Variants in SLC23A2 observed in about 807,000 individuals in gnomAD.
SLC23A2 encodes solute carrier family 23 member 2, also known as Na(+)/L-ascorbic acid transporter 2.
A neutral mutation model predicts 73.3 loss-of-function variants in SLC23A2; 36 were observed. That is an observed-to-expected ratio of 0.49 (90% CI 0.38 to 0.65). The LOEUF (loss-of-function observed/expected upper bound fraction) is 0.65. SLC23A2 is among the 30% of genes least tolerant of loss of function. SLC23A2 has a pLI of 0.00. For synonymous variants in SLC23A2, 343 were observed against 327.3 expected, an observed-to-expected ratio of 1.05 and a Z score of -0.52; for missense variants, 507 against 841.6, an observed-to-expected ratio of 0.60 and a Z score of 4.92.
chr20:4,950,306 C>T (rs908018913), intron 2 of SLC23A2, among the ~76,000 whole-genome samples: 1 of 152,220 alleles, frequency 6.6e-6, no homozygotes, highest in African/African-American at 2.4e-5. Context: ...ATTAATTTTA[C>T]TACCTGGTAA....
chr20:4,934,637 G>A (rs564575608), intron 2 of SLC23A2, among the ~76,000 whole-genome samples: 1 of 152,000 alleles, frequency 6.6e-6, no homozygotes, highest in African/African-American at 2.4e-5. Context: ...TGAGGTGGGT[G>A]GATCACCTGA....
chr20:4,902,893 C>G lies in SLC23A2; in HGVS notation c.208-335G>C, dbSNP rs931629647. 1.3e-5 allele frequency among the ~76,000 whole-genome samples: 2 copies of G among 152,080 alleles called. No homozygotes were observed. Among genetic ancestry groups the G allele is most frequent in the Non-Finnish European group, 2.9e-5 (2 of 68,006 alleles). ...CCAGGTTGAGACCACAAAATGATAC[C>G]TTGGCACGAGCAGTCCTTGCGTGAG... On this transcript the variant is annotated intron_variant, in intron 4 of 16. Transcript: ENST00000338244. The surrounding 1 kb of genome is among the most constrained non-coding windows in gnomAD (Gnocchi z 4.0).
In SLC23A2 at chr20:4,984,538, G is replaced by A. The variant is rs933194012; in HGVS notation, c.-281-13619C>T. Reference sequence around the variant, plus strand: ...ACTGCACTCCAGCCTGGGCAACAGAGCAAGACTCTGTCTCAAAAGAAAAAA... The same window carrying A: ...ACTGCACTCCAGCCTGGGCAACAGAACAAGACTCTGTCTCAAAAGAAAAAA... On this transcript the variant is annotated intron_variant, in intron 1 of 16. Transcript: ENST00000338244. Among the ~76,000 whole-genome samples the A allele has an allele frequency of 4.0e-5, 5 of 124,470 alleles. No individual in the cohort carries two copies. The South Asian group carries it at 7.9e-4, about 20-fold the overall frequency. The allele number at this position is 124,470 out of a possible 152,430, so 81.7% of individuals were successfully genotyped here.
chr20:4,869,617 C>T (rs1278630884), intron 12 of SLC23A2: 2 of 347,030 alleles, frequency 5.8e-6, no homozygotes, highest in Non-Finnish European at 1.1e-5. Flanking sequence ...GAATTTAAGG[C>T]TTACAGTGGT....
chr20:4,932,347 T>C, intron 3 of SLC23A2, 108 bp downstream of exon 3: 2 of 740,904 alleles, frequency 2.7e-6, no homozygotes, highest in South Asian at 1.5e-5. Context: ...GGTTTGCAAA[T>C]GCCTTAACCT....
At chr20:4,969,528 C>T (rs1409110726) in intron 2 of SLC23A2, among the ~76,000 whole-genome samples, 1 of 151,936 alleles carries the variant, frequency 6.6e-6, no homozygotes, top group Non-Finnish European at 1.5e-5. Flanking sequence ...CATTTTACAT[C>T]CACCATACTG....
intron 4 of SLC23A2, among the ~76,000 whole-genome samples, chr20:4,912,434 AT>A (rs1932189429): frequency 6.6e-6 from 1 of 152,014 alleles, no homozygotes; most frequent in South Asian, 2.1e-4. Flanking sequence ...TTCACATATC[AT>A]TTCATTCAAT....
At chr20:4,896,678 C>G (rs995761654) in intron 6 of SLC23A2, among the ~76,000 whole-genome samples, 2 of 152,188 alleles carry the variant, frequency 1.3e-5, no homozygotes, top group African/African-American at 2.4e-5. Context: ...CTATCCCACA[C>G]CCCTGAGGCT....
chr20:4,903,482 A>C (rs915707106), intron 4 of SLC23A2, among the ~76,000 whole-genome samples: 1 of 152,252 alleles, frequency 6.6e-6, no homozygotes, highest in Non-Finnish European at 1.5e-5. Flanking sequence ...CATTTTAAGA[A>C]ATGTTTTATA....
At chr20:4,934,433 C>G (rs1600147629) in intron 2 of SLC23A2, among the ~76,000 whole-genome samples, 2 of 152,134 alleles carry the variant, frequency 1.3e-5, no homozygotes, top group South Asian at 4.1e-4. Flanking sequence ...AGGATGGCAT[C>G]CCAGATGTGC....
intron 1 of SLC23A2, among the ~76,000 whole-genome samples, chr20:5,008,263 CACTCCAGCCTGGGCA>C (rs1332170862): frequency 2.6e-5 from 4 of 152,138 alleles, no homozygotes; most frequent in Non-Finnish European, 5.9e-5. Context: ...CATTAAGTGC[CACTCCAGCCTGGGCA>C]ACAGAGTGAG....
Position 4,972,872 on chromosome 20 carries a change from C to G in SLC23A2, c.-281-1953G>C, listed in dbSNP as rs200905767. Among the ~76,000 whole-genome samples, 1,509 of 151,646 alleles carry G rather than the reference C, an allele frequency of 1.0e-2. 29 individuals are homozygous for G. Among genetic ancestry groups the G allele is most frequent in the East Asian group, 0.04 (204 of 5,092 alleles). ...GTGCTGGGATTACAGGCACAAGCCA[C>G]TATGCCAAGCCTTAAGCTATGTTTA... On this transcript the variant is annotated intron_variant, in intron 1 of 16. Transcript: ENST00000338244.
At chr20:4,858,644 T>C (rs1186643636) in intron 16 of SLC23A2, among the ~76,000 whole-genome samples, 3 of 152,160 alleles carry the variant, frequency 2.0e-5, no homozygotes, top group Non-Finnish European at 4.4e-5. Context: ...AGTATGTCCA[T>C]GGCAGCACTT....
chr20:4,907,161 A>G (rs975208320), intron 4 of SLC23A2, among the ~76,000 whole-genome samples: 4 of 152,234 alleles, frequency 2.6e-5, no homozygotes, highest in Non-Finnish European at 5.9e-5. Context: ...CAGCAGCAGC[A>G]GGATACTCAT....
chr20:4,982,961 C>T (rs1280079446), intron 1 of SLC23A2, among the ~76,000 whole-genome samples: 6 of 151,946 alleles, frequency 3.9e-5, no homozygotes, highest in African/African-American at 1.2e-4. Context: ...CAAAATTAGC[C>T]GGGCATGGTA....
At chr20:4,954,868 C>A (rs929819939) in intron 2 of SLC23A2, among the ~76,000 whole-genome samples, 2 of 152,050 alleles carry the variant, frequency 1.3e-5, no homozygotes, top group Admixed American at 1.3e-4. Flanking sequence ...CTGAATGACA[C>A]CCAGAGGGGT....
At chr20:4,887,814 G>T (rs1012011877) in intron 6 of SLC23A2, among the ~76,000 whole-genome samples, 2 of 152,204 alleles carry the variant, frequency 1.3e-5, no homozygotes, top group Non-Finnish European at 2.9e-5. Context: ...CTGTTAAGAC[G>T]CCAGCACTAA....
rs2122818697 is a variant in SLC23A2 at position 4,879,718 on chromosome 20, C to A, written c.824+3924G>T. 2.6e-5 allele frequency among the ~76,000 whole-genome samples: 4 copies of A among 152,186 alleles called. 1 individual carries two copies. The highest frequency in any genetic ancestry group is 3.4e-3 in the Middle Eastern group (1 of 294). On this transcript the variant is annotated intron_variant, in intron 9 of 16. Coordinates refer to ENST00000338244, the MANE Select transcript of SLC23A2 (RefSeq NM_005116.6). ...AAATAAAAAAAAACCTACCATGGAG[C>A]CATGATCGATTTCAACACATTTTCT...
intron 4 of SLC23A2, among the ~76,000 whole-genome samples, chr20:4,910,188 C>T (rs943316719): frequency 6.6e-6 from 1 of 152,028 alleles, no homozygotes; most frequent in Non-Finnish European, 1.5e-5. Flanking sequence ...GCCTGACCAA[C>T]ATGGTAAATC....
Sources: allele counts gnomAD v4.1 joint callset (sites outside exome capture counted in the v4.1 genomes callset), GRCh38; gene constraint gnomAD v4.1.1; non-coding constraint Gnocchi (gnomAD v3.1); transcripts MANE v1.5; gene names NCBI Gene and HGNC (gene_info 2026-07-23, HGNC 2026-07-21).